KDM2A: variants seen among roughly 807,000 people sequenced by gnomAD.
KDM2A encodes lysine demethylase 2A.
Under a neutral mutation model 137.3 loss-of-function variants are expected in KDM2A, and 3 were observed. That is an observed-to-expected ratio of 0.02 (90% CI 0.01 to 0.06). KDM2A has a LOEUF of 0.06. Among genes scored for constraint, KDM2A ranks in the 10% least tolerant of loss-of-function variants. The pLI is 1.00. For missense variants in KDM2A, 738 were observed against 1,510.6 expected (o/e 0.49, Z 8.48); for synonymous variants, 512 against 541.5 (o/e 0.95, Z 0.76).
At chr11:67,237,227 T>C (rs1456352456) in intron 12 of KDM2A, among the ~76,000 whole-genome samples, 3 of 152,304 alleles carry the variant, frequency 2.0e-5, no homozygotes, top group Non-Finnish European at 4.4e-5. Flanking sequence ...TTTGGAACTA[T>C]GATCTAAAAA....
chr11:67,134,977 C>T (rs1037248464), intron 2 of KDM2A, among the ~76,000 whole-genome samples: 1 of 152,166 alleles, frequency 6.6e-6, no homozygotes, highest in Non-Finnish European at 1.5e-5. Context: ...TTCTTTACTC[C>T]TTTTAACATA....
chr11:67,252,523 G>A (rs963511490), intron 17 of KDM2A, 171 bp from the exon 18 acceptor site: 1 of 686,062 alleles, frequency 1.5e-6, no homozygotes, highest in Non-Finnish European at 2.6e-6. Flanking sequence ...AGAGTTCAAG[G>A]CAATTTTTTG....
chr11:67,124,441 A>C (rs1157243279), intron 2 of KDM2A, among the ~76,000 whole-genome samples: 1 of 151,778 alleles, frequency 6.6e-6, no homozygotes, highest in Non-Finnish European at 1.5e-5. Context: ...CCTCCCAAGT[A>C]GCTGCGATTA....
chr11:67,243,095 A>G lies in KDM2A; in HGVS notation c.1563+3A>G. The G allele has an allele frequency of 2.5e-6, 4 of 1,604,440 alleles. No homozygotes were observed. Among genetic ancestry groups the G allele is most frequent in the Non-Finnish European group, 3.4e-6 (4 of 1,171,334 alleles). On this transcript the variant is annotated splice_donor_region_variant and intron_variant, in intron 13 of 20. Coordinates refer to ENST00000529006, the MANE Select transcript of KDM2A (RefSeq NM_012308.3). ...TACAGTGGCCAAAAAGGGATAAGGT[A>G]AGAAACTATTTTCCTTGATCTTTAG...
Position 67,246,699 on chromosome 11 carries a change from T to G in KDM2A, c.1965+583T>G, listed in dbSNP as rs1425834897. ...TTGTGCAGCCTTTGTGGAGAACCAC[T>G]GTTTCCTTGGCCTTCTTAGAAAGTA... is the stretch of plus-strand genomic sequence containing the variant. On this transcript the variant is annotated intron_variant, in intron 15 of 20. Transcript: ENST00000529006. Among the ~76,000 whole-genome samples, 6 of 152,310 alleles carry G rather than the reference T, an allele frequency of 3.9e-5. No homozygotes were observed. In the East Asian group the frequency reaches 1.2e-3, roughly 29 times the overall value.
chr11:67,128,302 G>T (rs1234084168), intron 2 of KDM2A, among the ~76,000 whole-genome samples: 1 of 151,948 alleles, frequency 6.6e-6, no homozygotes, highest in Non-Finnish European at 1.5e-5. Flanking sequence ...ATAAGTGTGA[G>T]CCACTGCGCC....
chr11:67,180,027 G>T, intron 2 of KDM2A, 52 bp from the exon 3 acceptor site: 1 of 1,568,884 alleles, frequency 6.4e-7, no homozygotes, highest in Non-Finnish European at 8.7e-7. Flanking sequence ...ACCACTTGTA[G>T]GTAGGCATGA....
intron 2 of KDM2A, among the ~76,000 whole-genome samples, chr11:67,133,575 A>G (rs1193342551): frequency 2.7e-5 from 4 of 148,460 alleles, no homozygotes; most frequent in East Asian, 4.0e-4. Context: ...GCCAATTTTT[A>G]TATTTTTAGT....
At chr11:67,131,021 G>A (rs11227699) in intron 2 of KDM2A, among the ~76,000 whole-genome samples, 30,240 of 151,972 alleles carry the variant, frequency 0.2, 6,767 homozygotes, top group African/African-American at 0.53. Context: ...AACGTCTCTT[G>A]TGTACTTTAT....
At chr11:67,151,523 T>C (rs1856389256) in intron 2 of KDM2A, among the ~76,000 whole-genome samples, 1 of 152,052 alleles carries the variant, frequency 6.6e-6, no homozygotes, top group Admixed American at 6.6e-5. Context: ...TAATTTTTTG[T>C]ATTTTTAGTA....
chr11:67,228,887 C>A (rs1465199064), intron 11 of KDM2A, among the ~76,000 whole-genome samples: 1 of 152,034 alleles, frequency 6.6e-6, no homozygotes, highest in Non-Finnish European at 1.5e-5. Flanking sequence ...CCACTATGCC[C>A]AGCTAATTCT....
Position 67,245,082 on chromosome 11 carries a change from G to A in KDM2A, c.1564-107G>A. 1 of 1,240,500 alleles carries A rather than the reference G, an allele frequency of 8.1e-7. No homozygotes were observed. The highest frequency in any genetic ancestry group is 1.1e-6 in the Non-Finnish European group (1 of 881,804). The allele number at this position is 1,240,500 out of a possible 1,614,324, so 76.8% of individuals were successfully genotyped here. A position where few individuals can be genotyped will look rare whatever the true frequency, so the allele number is the denominator to read the frequency against. ...TAGAAACAAGCAGTGGGCAGATCTG[G>A]CCATAGTGGGCCAAGCCCCAGGCTA... On this transcript the variant is annotated intron_variant, in intron 13 of 20. Transcript: ENST00000529006. The surrounding 1 kb of genome is among the most constrained non-coding windows in gnomAD (Gnocchi z 4.1).
chr11:67,158,192 T>G (rs961184698), intron 2 of KDM2A, among the ~76,000 whole-genome samples: 1 of 152,200 alleles, frequency 6.6e-6, no homozygotes, highest in African/African-American at 2.4e-5. Context: ...GTTGGAATCA[T>G]ACAGCTTTTT....
In KDM2A at chr11:67,119,860, G is replaced by A. The variant is rs1855557152; in HGVS notation, c.-273G>A. ...TCTCTCCTGACGCCTCCGACTCCCG[G>A]TCTCCAAAGCCAGAAGAGAAGGTTT... is the stretch of plus-strand genomic sequence containing the variant. On this transcript the variant is annotated 5_prime_UTR_variant, in exon 1 of 21. Coordinates refer to ENST00000529006, the MANE Select transcript of KDM2A (RefSeq NM_012308.3). 6.6e-6 allele frequency: 1 copy of A among 152,046 alleles called. No homozygotes were observed. Among genetic ancestry groups the A allele is most frequent in the South Asian group, 2.1e-4 (1 of 4,820 alleles). 9.4% of individuals were successfully genotyped at this position (152,046 alleles called of 1,614,324 possible). A position where few individuals can be genotyped will look rare whatever the true frequency, so the allele number is the denominator to read the frequency against.
chr11:67,180,819 ATT>A (rs920661672), intron 3 of KDM2A, among the ~76,000 whole-genome samples: 9 of 142,022 alleles, frequency 6.3e-5, no homozygotes, highest in African/African-American at 1.8e-4. Context: ...CACCCGGCTA[ATT>A]TTTTTTTTTT....
intron 2 of KDM2A, among the ~76,000 whole-genome samples, chr11:67,168,355 C>T (rs1217094496): frequency 6.6e-6 from 1 of 151,978 alleles, no homozygotes; most frequent in Non-Finnish European, 1.5e-5. Context: ...TCCTACTGGG[C>T]TTCAATAACA....
chr11:67,222,059 C>CTTTTTTTTTTTTTTTTTTTTTATTTT (rs11373238), intron 10 of KDM2A, among the ~76,000 whole-genome samples: 7 of 110,480 alleles, frequency 6.3e-5, no homozygotes, highest in Non-Finnish European at 9.0e-5. Context: ...CTCTGTCATT[C>CTTTTTTTTTTTTTTTTTTTTTATTTT]TTTTTTTTTT....
intron 2 of KDM2A, among the ~76,000 whole-genome samples, chr11:67,168,754 AG>A (rs1474133384): frequency 7.2e-5 from 11 of 152,088 alleles, no homozygotes; most frequent in African/African-American, 2.4e-4. Context: ...AAGGTTGCAA[AG>A]AAGAAAATGA....
intron 5 of KDM2A, among the ~76,000 whole-genome samples, chr11:67,197,370 T>C (rs1025714005): frequency 5.9e-5 from 9 of 152,040 alleles, no homozygotes; most frequent in Admixed American, 5.9e-4. Flanking sequence ...GAGATGGGAT[T>C]TTGCCATGTT....
Sources: allele counts gnomAD v4.1 joint callset (sites outside exome capture counted in the v4.1 genomes callset), GRCh38; gene constraint gnomAD v4.1.1; non-coding constraint Gnocchi (gnomAD v3.1); transcripts MANE v1.5; gene names NCBI Gene and HGNC (gene_info 2026-07-23, HGNC 2026-07-21).